Variants in FAM227B observed in about 807,000 individuals in gnomAD.
FAM227B encodes the protein protein FAM227B.
A neutral mutation model predicts 73.8 loss-of-function variants in FAM227B; 88 were observed. The observed-to-expected ratio is 1.19, with a 90% CI of 1.00 to 1.42. The LOEUF is 1.42. FAM227B is among the 40% of genes most tolerant of loss of function. The pLI is 0.00. For synonymous variants in FAM227B, 210 were observed against 190.5 expected (o/e 1.10, Z -0.84); for missense variants, 632 against 590.9 (o/e 1.07, Z -0.72).
At chr15:49,422,143 A>T (rs946999377) in intron 11 of FAM227B, among the ~76,000 whole-genome samples, 1 of 139,452 alleles carries the variant, frequency 7.2e-6, no homozygotes, top group African/African-American at 2.6e-5. Context: ...AGAGAGAGAG[A>T]GAGTGTGTGT....
intron 8 of FAM227B, 32 bp from the exon 9 acceptor site, chr15:49,568,378 T>G: frequency 6.5e-7 from 1 of 1,531,278 alleles, no homozygotes; most frequent in Non-Finnish European, 9.0e-7. Flanking sequence ...AAAGTCAATA[T>G]TACAATTTAA....
chr15:49,483,162 A>G, intron 11 of FAM227B: 1 of 1,574,126 alleles, frequency 6.4e-7, no homozygotes, highest in Non-Finnish European at 8.6e-7. Context: ...TATCATGGAA[A>G]TCAGGACAGT....
intron 11 of FAM227B, among the ~76,000 whole-genome samples, chr15:49,490,660 T>C (rs2057007069): frequency 6.6e-6 from 1 of 152,024 alleles, no homozygotes; most frequent in Non-Finnish European, 1.5e-5. Context: ...ATTATTAGAA[T>C]CATACTCAGA....
At chr15:49,551,981 CTTTA>C (rs1219236157) in intron 9 of FAM227B, among the ~76,000 whole-genome samples, 3 of 151,998 alleles carry the variant, frequency 2.0e-5, no homozygotes, top group Non-Finnish European at 4.4e-5. Flanking sequence ...GTGGTTCCTC[CTTTA>C]TTTAGTCTTT....
At chr15:49,424,374 G>C (rs764278568) in intron 11 of FAM227B, 2 of 1,613,572 alleles carry the variant, frequency 1.2e-6, no homozygotes, top group East Asian at 2.2e-5. Flanking sequence ...TGTCTAGTGG[G>C]TACTATATCT....
At chr15:49,485,333 T>A (rs1328022014) in intron 11 of FAM227B, 1 of 152,464 alleles carries the variant, frequency 6.6e-6, no homozygotes. Flanking sequence ...TATCTTTGTA[T>A]AATTCATATT....
chr15:49,540,360 G>A (rs1157575673), intron 10 of FAM227B, among the ~76,000 whole-genome samples: 4 of 152,132 alleles, frequency 2.6e-5, no homozygotes, highest in African/African-American at 9.7e-5. Context: ...GTATCCAGAT[G>A]TCTCACATAT....
rs115954571 is a variant in FAM227B, at chr15:49,601,214, T to C, written c.105+10001A>G. Among the ~76,000 whole-genome samples the C allele has an allele frequency of 8.5e-3, 1,275 of 150,884 alleles. 30 individuals are homozygous for C. The highest frequency in any genetic ancestry group is 0.068 in the South Asian group (321 of 4,704). ...CTTCATTCTCTTCTTCCTCTATTCC[T>C]CTCTTCCTTTGTGATTTGATGATTT... On this transcript the variant is annotated intron_variant, in intron 3 of 15. Transcript: ENST00000299338.
At chr15:49,466,552 T>A (rs2054284085) in intron 11 of FAM227B, among the ~76,000 whole-genome samples, 1 of 152,130 alleles carries the variant, frequency 6.6e-6, no homozygotes, top group Non-Finnish European at 1.5e-5. Context: ...CACTGAAACT[T>A]TTGAAGCAGA....
Position 49,336,257 on chromosome 15 carries a change from C to T in FAM227B, c.1272-761G>A, listed in dbSNP as rs138633156. Reference sequence around the variant, plus strand: ...GTAATCAGAATGTCCAAGTATGTTGCTAATGAAGCTGGATTCCTCTGTCCT... The same window carrying T: ...GTAATCAGAATGTCCAAGTATGTTGTTAATGAAGCTGGATTCCTCTGTCCT... On this transcript the variant is annotated intron_variant, in intron 13 of 15. Transcript: ENST00000299338. 2.0e-4 allele frequency among the ~76,000 whole-genome samples: 31 copies of T among 152,360 alleles called. No individual in the cohort carries two copies. The South Asian group carries it at 6.0e-3, about 30-fold the overall frequency.
At chr15:49,540,762 C>A (rs552017586) in intron 10 of FAM227B, among the ~76,000 whole-genome samples, 1 of 152,308 alleles carries the variant, frequency 6.6e-6, no homozygotes, top group South Asian at 2.1e-4. Flanking sequence ...GTAGAAAATT[C>A]TTCTGCCCTT....
chr15:49,533,154 T>A (rs1346923264), intron 10 of FAM227B, among the ~76,000 whole-genome samples: 2 of 151,892 alleles, frequency 1.3e-5, no homozygotes, highest in East Asian at 3.8e-4. Context: ...CTTGACCCAA[T>A]GGGTGTTCAG....
chr15:49,384,921 T>C (rs972240303), intron 11 of FAM227B, among the ~76,000 whole-genome samples: 1 of 152,052 alleles, frequency 6.6e-6, no homozygotes, highest in Non-Finnish European at 1.5e-5. Context: ...CAATACATAC[T>C]ATTCTGTTTT....
intron 9 of FAM227B, among the ~76,000 whole-genome samples, chr15:49,557,315 CAAGT>C (rs1414598533): frequency 6.6e-6 from 1 of 151,986 alleles, no homozygotes; most frequent in Admixed American, 6.6e-5. Flanking sequence ...GGGACATAAA[CAAGT>C]AAGAGTTGAA....
chr15:49,494,462 T>C (rs989356622), intron 11 of FAM227B, among the ~76,000 whole-genome samples: 5 of 152,160 alleles, frequency 3.3e-5, no homozygotes, highest in African/African-American at 1.2e-4. Context: ...AGACGGACTT[T>C]ATTAGTGAAA....
intron 5 of FAM227B, among the ~76,000 whole-genome samples, chr15:49,582,108 A>G (rs995053070): frequency 3.3e-5 from 5 of 152,214 alleles, no homozygotes; most frequent in Admixed American, 2.6e-4. Context: ...TCATGATGAC[A>G]GGATCAAATC....
At chr15:49,356,993 A>G (rs1596474829) in intron 13 of FAM227B, among the ~76,000 whole-genome samples, 2 of 151,216 alleles carry the variant, frequency 1.3e-5, no homozygotes, top group East Asian at 3.9e-4. Flanking sequence ...TACTGGGTAC[A>G]TAACGAAATG....
intron 11 of FAM227B, among the ~76,000 whole-genome samples, chr15:49,433,517 G>A (rs563344609): frequency 1.3e-5 from 2 of 151,526 alleles, no homozygotes; most frequent in South Asian, 2.1e-4. Context: ...AATTTAAAGT[G>A]GGCAAGAATT....
At chr15:49,551,934 T>G (rs1375480811) in intron 9 of FAM227B, among the ~76,000 whole-genome samples, 1 of 152,220 alleles carries the variant, frequency 6.6e-6, no homozygotes, top group Non-Finnish European at 1.5e-5. Context: ...TCTTACTGTA[T>G]TATGTCTTAA....
Sources: gnomAD v4.1 joint callset for allele counts (sites outside exome capture counted in the v4.1 genomes callset) on GRCh38, gnomAD v4.1.1 for gene constraint, MANE v1.5 for transcripts, NCBI Gene and HGNC (gene_info 2026-07-23, HGNC 2026-07-21) for gene names.